ST18: variants seen among roughly 807,000 people sequenced by gnomAD.
ST18 encodes the protein suppression of tumorigenicity 18 protein.
In ST18, 50 loss-of-function variants were observed where a neutral mutation model predicts 110.0. The observed-to-expected ratio is 0.45, with a 90% CI of 0.36 to 0.58. The LOEUF (loss-of-function observed/expected upper bound fraction) is 0.58. ST18 is among the 20% of genes least tolerant of loss of function. ST18 has a pLI of 0.00. For missense variants in ST18, 1,306 were observed against 1,280.1 expected, an observed-to-expected ratio of 1.02 and a Z score of -0.31; for synonymous variants, 461 against 452.4, an observed-to-expected ratio of 1.02 and a Z score of -0.24.
chr8:52,369,586 T>C (rs1323831972), intron 2 of ST18, among the ~76,000 whole-genome samples: 1 of 152,224 alleles, frequency 6.6e-6, no homozygotes, highest in Non-Finnish European at 1.5e-5. Context: ...TGTTTTTTTA[T>C]AAATCTCCAT....
chr8:52,121,727 G>A (rs905445723), intron 23 of ST18, among the ~76,000 whole-genome samples: 1 of 152,176 alleles, frequency 6.6e-6, no homozygotes, highest in Non-Finnish European at 1.5e-5. Context: ...TGTTTCATCT[G>A]TTTTGGAAGT....
chr8:52,393,399 A>T (rs1839962557), intron 2 of ST18, among the ~76,000 whole-genome samples: 1 of 152,154 alleles, frequency 6.6e-6, no homozygotes, highest in African/African-American at 2.4e-5. Flanking sequence ...TCAGTCCTGA[A>T]CTAGTGTCCT....
intron 2 of ST18, among the ~76,000 whole-genome samples, chr8:52,264,183 C>G (rs2094795050): frequency 6.6e-6 from 1 of 152,178 alleles, no homozygotes; most frequent in Non-Finnish European, 1.5e-5. Context: ...TGTTTTTCAA[C>G]TGAATTTACA....
chr8:52,228,572 T>A (rs896069076), intron 3 of ST18, among the ~76,000 whole-genome samples: 4 of 152,058 alleles, frequency 2.6e-5, no homozygotes, highest in African/African-American at 9.7e-5. Flanking sequence ...GGCACAGTAG[T>A]TTCTAAATAA....
At chr8:52,268,535 CATCT>C (rs779670273) in intron 2 of ST18, among the ~76,000 whole-genome samples, 92 of 150,366 alleles carry the variant, frequency 6.1e-4, no homozygotes, top group Middle Eastern at 3.5e-3. Context: ...TACTATCTAT[CATCT>C]ATCTATCTAT....
In ST18 at chr8:52,172,596, A is replaced by G; in HGVS notation, c.278-13T>C. The G allele has an allele frequency of 6.5e-7, 1 of 1,540,956 alleles. No homozygotes were observed. The highest frequency in any genetic ancestry group is 1.3e-5 in the South Asian group (1 of 78,556). On this transcript the variant is annotated splice_polypyrimidine_tract_variant and intron_variant, in intron 9 of 25. Coordinates refer to ENST00000689386, the MANE Select transcript of ST18 (RefSeq NM_001352837.2). ...ATCATGATTTCCTCTATGGAAAAAG[A>G]AAACCAATATTTGAAGAGCAAGAAC...
chr8:52,340,578 AT>A (rs1351364934), intron 2 of ST18, among the ~76,000 whole-genome samples: 2 of 152,224 alleles, frequency 1.3e-5, no homozygotes, highest in Admixed American at 6.5e-5. Context: ...GTATGATTTC[AT>A]TTGTACCTCA....
intron 2 of ST18, among the ~76,000 whole-genome samples, chr8:52,389,546 G>A (rs995814582): frequency 1.3e-5 from 2 of 152,142 alleles, no homozygotes; most frequent in East Asian, 1.9e-4. Flanking sequence ...TAGGTACACC[G>A]ACTCCTTCCA....
At chr8:52,337,257 T>C (rs1397081716) in intron 2 of ST18, among the ~76,000 whole-genome samples, 2 of 152,164 alleles carry the variant, frequency 1.3e-5, no homozygotes, top group Non-Finnish European at 2.9e-5. Flanking sequence ...GGCTGAGAAA[T>C]ACAATAACAA....
chr8:52,154,316 A>T (rs1312960991), intron 15 of ST18: 1 of 152,258 alleles, frequency 6.6e-6, no homozygotes, highest in Non-Finnish European at 1.5e-5. Context: ...GTTCAAGCAC[A>T]AAACAGACTT....
chr8:52,381,090 A>G (rs757122860), intron 2 of ST18, among the ~76,000 whole-genome samples: 83 of 152,130 alleles, frequency 5.5e-4, no homozygotes, highest in Non-Finnish European at 9.6e-4. Flanking sequence ...ACTCACTGCT[A>G]CCTAACTTTT....
chr8:52,361,800 G>A (rs1825858892), intron 2 of ST18, among the ~76,000 whole-genome samples: 1 of 152,216 alleles, frequency 6.6e-6, no homozygotes, highest in African/African-American at 2.4e-5. Flanking sequence ...GAGAGGTAGG[G>A]TTTTATTTCT....
At chr8:52,342,022 C>T (rs541192899) in intron 2 of ST18, among the ~76,000 whole-genome samples, 1 of 152,326 alleles carries the variant, frequency 6.6e-6, no homozygotes, top group East Asian at 1.9e-4. Flanking sequence ...AGATCTATTA[C>T]ACATCATAGT....
intron 23 of ST18, 57 bp downstream of exon 23, chr8:52,125,994 TG>T: frequency 7.1e-7 from 1 of 1,404,496 alleles, no homozygotes; most frequent in South Asian, 1.3e-5. Flanking sequence ...CGGAACGCTT[TG>T]GGGAGCCAGG....
intron 12 of ST18, 30 bp downstream of exon 12, chr8:52,165,105 G>T (rs1247785970): frequency 2.5e-6 from 4 of 1,606,124 alleles, no homozygotes; most frequent in African/African-American, 1.3e-5. Context: ...TTTTTTAAAT[G>T]CAAAATGATT....
At chr8:52,218,437 C>G (rs1017488191) in intron 5 of ST18, among the ~76,000 whole-genome samples, 7 of 150,480 alleles carry the variant, frequency 4.7e-5, no homozygotes, top group Non-Finnish European at 1.0e-4. Flanking sequence ...GGCTGGAGTG[C>G]AATGGCATGA....
intron 2 of ST18, among the ~76,000 whole-genome samples, chr8:52,385,597 CA>C (rs60332637): frequency 0.9 from 104,495 of 116,736 alleles, 46,838 homozygotes; most frequent in South Asian, 0.97. Flanking sequence ...GACTCCGACT[CA>C]AAAAAAAAAA....
At chr8:52,188,902 G>A (rs2073413136) in intron 8 of ST18, among the ~76,000 whole-genome samples, 1 of 152,172 alleles carries the variant, frequency 6.6e-6, no homozygotes, top group East Asian at 1.9e-4. Flanking sequence ...GAGATGGGTA[G>A]GACTTGCAGA....
chr8:52,353,814 T>C (rs1269609752), intron 2 of ST18, among the ~76,000 whole-genome samples: 1 of 152,212 alleles, frequency 6.6e-6, no homozygotes, highest in African/African-American at 2.4e-5. Flanking sequence ...TTTCTGCCTC[T>C]CCCTTCGCCT....
Sources: allele counts gnomAD v4.1 joint callset (sites outside exome capture counted in the v4.1 genomes callset), GRCh38; gene constraint gnomAD v4.1.1; transcripts MANE v1.5; gene names NCBI Gene and HGNC (gene_info 2026-07-23, HGNC 2026-07-21).